TBC1D22A: variants seen among roughly 807,000 people sequenced by gnomAD.
The protein encoded by TBC1D22A is putative GTPase activator.
A neutral mutation model predicts 60.2 loss-of-function variants in TBC1D22A; 38 were observed. The observed-to-expected ratio is 0.63, with a 90% confidence interval of 0.49 to 0.83. TBC1D22A has a LOEUF of 0.83. Among genes scored for constraint, TBC1D22A ranks in the 40% least tolerant of loss-of-function variants. The pLI, the probability that TBC1D22A is intolerant of heterozygous loss-of-function variation, is 0.00. For missense variants in TBC1D22A, 628 were observed against 701.0 expected (o/e 0.90, Z 1.18); for synonymous variants, 302 against 281.7 (o/e 1.07, Z -0.72).
chr22:46,924,609 G>A (rs535892557), intron 8 of TBC1D22A, among the ~76,000 whole-genome samples: 48 of 152,272 alleles, frequency 3.2e-4, no homozygotes, highest in Non-Finnish European at 5.9e-4. Flanking sequence ...GCTGGGCATG[G>A]TGGCGCATGC....
intron 12 of TBC1D22A, among the ~76,000 whole-genome samples, chr22:47,145,235 G>T (rs1313210125): frequency 6.6e-6 from 1 of 152,222 alleles, no homozygotes; most frequent in Non-Finnish European, 1.5e-5. Context: ...TTGGGAAGGT[G>T]CTGGTTCCTC....
chr22:47,130,700 G>T lies in TBC1D22A; in HGVS notation c.1425+19097G>T, dbSNP rs116653869. On this transcript the variant is annotated intron_variant, in intron 12 of 12. Coordinates refer to ENST00000337137, the MANE Select transcript of TBC1D22A (RefSeq NM_014346.5). ...CTCATCTTGCTGGAGCAGTCTGTGG[G>T]ACCCTGCGGTCTGCAAAACTCAAGG... is the stretch of plus-strand genomic sequence containing the variant. 7.1e-3 allele frequency among the ~76,000 whole-genome samples: 1,076 copies of T among 152,266 alleles called. 12 individuals carry two copies. The highest frequency in any genetic ancestry group is 0.021 in the African/African-American group (870 of 41,522).
chr22:47,072,111 G>T (rs2064018417), intron 11 of TBC1D22A, among the ~76,000 whole-genome samples: 1 of 152,216 alleles, frequency 6.6e-6, no homozygotes, highest in African/African-American at 2.4e-5. Context: ...GCTCGGAAAG[G>T]TGAGGCCCCC....
At chr22:46,937,293 A>G (rs2071710943) in intron 8 of TBC1D22A, among the ~76,000 whole-genome samples, 1 of 152,226 alleles carries the variant, frequency 6.6e-6, no homozygotes, top group Non-Finnish European at 1.5e-5. Flanking sequence ...AATCCAGGAT[A>G]TACAGTTCTG....
At position 46,777,343 on chromosome 22, in the gene TBC1D22A, C is replaced by G. The variant is rs2083748093; in HGVS notation, c.62+14495C>G. Reference sequence around the variant, plus strand: ...GAGCACATTGTCTATTTTTGTGTGACTGGTAGAGAGTGATGTTGTCCAAGG... The same window carrying G: ...GAGCACATTGTCTATTTTTGTGTGAGTGGTAGAGAGTGATGTTGTCCAAGG... On this transcript the variant is annotated intron_variant, in intron 1 of 12. Transcript: ENST00000337137. The surrounding 1 kb of genome is among the most constrained non-coding windows in gnomAD (Gnocchi z 4.5). 6.6e-6 allele frequency among the ~76,000 whole-genome samples: 1 copy of G among 152,090 alleles called. No individual in the cohort carries two copies. The highest frequency in any genetic ancestry group is 1.5e-5 in the Non-Finnish European group (1 of 68,020).
intron 4 of TBC1D22A, among the ~76,000 whole-genome samples, chr22:46,842,564 T>C (rs1264158941): frequency 6.6e-6 from 1 of 152,238 alleles, no homozygotes; most frequent in African/African-American, 2.4e-5. Context: ...GTCATTAACT[T>C]GATTTAGGGT....
intron 1 of TBC1D22A, among the ~76,000 whole-genome samples, chr22:46,773,325 G>T (rs1183698277): frequency 6.6e-6 from 1 of 152,220 alleles, no homozygotes; most frequent in Non-Finnish European, 1.5e-5. Flanking sequence ...TTTTTCCTGA[G>T]GAGTCGGGGA....
At chr22:46,784,458 G>C (rs1250813468) in intron 1 of TBC1D22A, among the ~76,000 whole-genome samples, 1 of 152,150 alleles carries the variant, frequency 6.6e-6, no homozygotes, top group Non-Finnish European at 1.5e-5. Flanking sequence ...GTTGTAGTCT[G>C]CTTTTCTTTT....
intron 8 of TBC1D22A, chr22:46,913,258 A>G (rs1407706228): frequency 3.5e-6 from 4 of 1,155,422 alleles, no homozygotes; most frequent in African/African-American, 1.6e-5. Flanking sequence ...CAGCATTTTA[A>G]TTTAAACCTG....
intron 1 of TBC1D22A, chr22:46,774,047 C>T (rs2146735022): frequency 3.0e-6 from 3 of 985,626 alleles, no homozygotes; most frequent in African/African-American, 1.7e-5. Context: ...TCTGATCCTG[C>T]TGTGGGCTGG....
At chr22:46,793,162 C>T (rs575728064) in intron 2 of TBC1D22A, among the ~76,000 whole-genome samples, 39 of 152,392 alleles carry the variant, frequency 2.6e-4, no homozygotes, top group African/African-American at 8.7e-4. Flanking sequence ...GCCCACACCC[C>T]TCACTGCTGG....
At chr22:46,938,235 G>A (rs1373137824) in intron 8 of TBC1D22A, among the ~76,000 whole-genome samples, 1 of 152,134 alleles carries the variant, frequency 6.6e-6, no homozygotes, top group African/African-American at 2.4e-5. Context: ...TTTATCTGTA[G>A]TGTACCTTTT....
intron 3 of TBC1D22A, 126 bp downstream of exon 3, chr22:46,793,967 G>C (rs879647427): frequency 1.1e-6 from 1 of 920,404 alleles, no homozygotes; most frequent in Non-Finnish European, 1.6e-6. Context: ...CCTGGCCCAC[G>C]AGAGCCCTTA....
intron 11 of TBC1D22A, among the ~76,000 whole-genome samples, chr22:47,068,026 G>C (rs979506961): frequency 6.6e-6 from 1 of 152,266 alleles, no homozygotes; most frequent in African/African-American, 2.4e-5. Flanking sequence ...AGGGGTCAGG[G>C]AGTAGACATA....
intron 3 of TBC1D22A, 50 bp downstream of exon 3, chr22:46,793,891 A>C: frequency 6.8e-7 from 1 of 1,472,116 alleles, no homozygotes; most frequent in African/African-American, 1.4e-5. Context: ...CCAAGCTAAG[A>C]AAGTGGCCAG....
intron 6 of TBC1D22A, among the ~76,000 whole-genome samples, chr22:46,894,092 C>G (rs2068545553): frequency 6.6e-6 from 1 of 152,184 alleles, no homozygotes; most frequent in South Asian, 2.1e-4. Context: ...TTCCCTCAGT[C>G]CATTGGTGCC....
At chr22:46,957,717 C>A (rs2058984032) in intron 8 of TBC1D22A, among the ~76,000 whole-genome samples, 1 of 152,232 alleles carries the variant, frequency 6.6e-6, no homozygotes. Flanking sequence ...GTGGGGCCTT[C>A]CAGCGCCAGA....
chr22:46,974,952 CT>C (rs1292235804), intron 9 of TBC1D22A, among the ~76,000 whole-genome samples: 1 of 152,212 alleles, frequency 6.6e-6, no homozygotes, highest in African/African-American at 2.4e-5. Context: ...GGGTTAGTGG[CT>C]GAGATTTCTG....
At chr22:47,075,235 A>AAAAAAAAAAAAAAG (rs1319779491) in intron 11 of TBC1D22A, among the ~76,000 whole-genome samples, 47 of 151,574 alleles carry the variant, frequency 3.1e-4, no homozygotes, top group African/African-American at 1.0e-3. Flanking sequence ...AAAAAAAAAA[A>AAAAAAAAAAAAAAG]AGAGAACCAA....
Sources: gnomAD v4.1 joint callset for allele counts (sites outside exome capture counted in the v4.1 genomes callset) on GRCh38, gnomAD v4.1.1 for gene constraint, Gnocchi (gnomAD v3.1) non-coding constraint, MANE v1.5 for transcripts, NCBI Gene and HGNC (gene_info 2026-07-23, HGNC 2026-07-21) for gene names.